Variants in ABCG2 observed in about 807,000 individuals in gnomAD.
ABCG2 encodes the protein broad substrate specificity ATP-binding cassette transporter ABCG2.
A neutral mutation model predicts 73.5 loss-of-function variants in ABCG2; 80 were observed. The observed-to-expected ratio is 1.09, with a 90% CI of 0.91 to 1.31. The LOEUF is 1.31. ABCG2 is among the 50% of genes most tolerant of loss of function. ABCG2 has a pLI of 0.00. For synonymous variants in ABCG2, 269 were observed against 282.4 expected (o/e 0.95, Z 0.48); for missense variants, 796 against 786.2 (o/e 1.01, Z -0.15).
In ABCG2 at chr4:88,167,720, C is replaced by G. The variant is rs1236617138; in HGVS notation, c.-19-27706G>C. On this transcript the variant is annotated intron_variant, in intron 1 of 15. Coordinates refer to the ABCG2 transcript ENST00000515655. Reference sequence around the variant, plus strand: ...GCTTATGTGATTAAATCAGGCCCACCTTTACAATCTTGATATGTTAGAGTC... The same window carrying G: ...GCTTATGTGATTAAATCAGGCCCACGTTTACAATCTTGATATGTTAGAGTC... Among the ~76,000 whole-genome samples, 6 of 152,228 alleles carry G rather than the reference C, an allele frequency of 3.9e-5. No individual in the cohort carries two copies. The East Asian group carries it at 7.7e-4, about 20-fold the overall frequency.
chr4:88,092,542 G>C (rs1721707372), intron 15 of ABCG2, among the ~76,000 whole-genome samples, 161 bp from the exon 16 acceptor site: 1 of 152,112 alleles, frequency 6.6e-6, no homozygotes, highest in African/African-American at 2.4e-5. Flanking sequence ...TTACAATTTT[G>C]CTAGACACTA....
At chr4:88,168,861 A>G (rs567331460) in intron 1 of ABCG2, among the ~76,000 whole-genome samples, 1 of 133,782 alleles carries the variant, frequency 7.5e-6, no homozygotes, top group South Asian at 2.3e-4. Context: ...CCTGTCACTC[A>G]GATTAAAAAA....
chr4:88,225,285 GGGTATGGCT>G (rs1560467741), intron 1 of ABCG2, among the ~76,000 whole-genome samples: 1 of 152,168 alleles, frequency 6.6e-6, no homozygotes, highest in Non-Finnish European at 1.5e-5. Flanking sequence ...ATAAACAAGA[GGGTATGGCT>G]GTGTTCCAAT....
At position 88,230,307 on chromosome 4, in the gene ABCG2, ATTTTTTT is replaced by A. The variant is rs70959615; in HGVS notation, c.-20+680_-20+686del. 2.7e-4 allele frequency among the ~76,000 whole-genome samples: 14 copies of A among 51,450 alleles called. 2 individuals carry two copies. The highest frequency in any genetic ancestry group is 0.028 in the East Asian group (2 of 72). The allele number at this position is 51,450 out of a possible 152,430, so 33.8% of individuals were successfully genotyped here. ...CCGCACCTGTTATATATATATATAT[ATTTTTTT>A]TTTTGGCCACATATATATATATATA... On this transcript the variant is annotated intron_variant, in intron 1 of 15. Transcript: ENST00000515655.
At chr4:88,161,147 C>T (rs1727283344), upstream of ABCG2, among the ~76,000 whole-genome samples, 2 of 147,464 alleles carry the variant, frequency 1.4e-5, no homozygotes, top group South Asian at 4.4e-4. Context: ...GCCCCTGTCT[C>T]TACAAACAAT....
At chr4:88,152,184 G>C (rs1726541405) in intron 1 of ABCG2, among the ~76,000 whole-genome samples, 1 of 152,052 alleles carries the variant, frequency 6.6e-6, no homozygotes, top group African/African-American at 2.4e-5. Context: ...GCACTGGCAG[G>C]GTTTCATTTG....
intron 1 of ABCG2, among the ~76,000 whole-genome samples, chr4:88,219,045 G>A (rs1009204941): frequency 1.3e-5 from 2 of 152,224 alleles, no homozygotes; most frequent in African/African-American, 4.8e-5. Flanking sequence ...GGGAGTTGAT[G>A]TGAAAAGGGA....
chr4:88,154,288 C>T (rs1002004571), intron 1 of ABCG2, among the ~76,000 whole-genome samples: 3 of 152,152 alleles, frequency 2.0e-5, no homozygotes, highest in South Asian at 2.1e-4. Flanking sequence ...GGAAGTAAAG[C>T]GGCTTTGAGA....
At position 88,118,215 on chromosome 4, in the gene ABCG2, A is replaced by C. The variant is rs1178903888; in HGVS notation, c.735T>G (p.Pro245=). Residue 245 remains proline (P), a synonymous_variant, in exon 7 of 16, where the codon CCT becomes CCG. Transcript: ENST00000237612. ...CAAACAACTTGAAGATGGAATATCG[A>C]GGCTGATGAATGGAGAAGATGATTG... ...GRTIIFSIHQ[P]RYSIFKLFDS... is the part of the protein sequence containing the mutation. The C allele has an allele frequency of 4.3e-6, 7 of 1,614,094 alleles. No homozygotes were observed. The highest frequency in any genetic ancestry group is 5.9e-6 in the Non-Finnish European group (7 of 1,180,018).
In ABCG2 at chr4:88,149,872, C is replaced by T. The variant is rs188659724; in HGVS notation, c.-20+8514G>A. Among the ~76,000 whole-genome samples, 278 of 152,084 alleles carry T rather than the reference C, an allele frequency of 1.8e-3. 2 individuals carry two copies. The highest frequency in any genetic ancestry group is 6.4e-3 in the African/African-American group (267 of 41,488). On this transcript the variant is annotated intron_variant, in intron 1 of 15. Transcript: ENST00000237612. ...GTCTCAAAAAATAATAATAATAATT[C>T]GATATTTACTAGACTTCTATTATCT...
chr4:88,189,057 A>C (rs1406223981), intron 1 of ABCG2, among the ~76,000 whole-genome samples: 1 of 152,136 alleles, frequency 6.6e-6, no homozygotes, highest in African/African-American at 2.4e-5. Context: ...CCAGTTCATG[A>C]ACACAGGATG....
intron 14 of ABCG2, 66 bp from the exon 15 acceptor site, chr4:88,094,725 A>T (rs1721873036): frequency 5.1e-6 from 6 of 1,187,038 alleles, no homozygotes; most frequent in Non-Finnish European, 3.8e-6. Context: ...CCAAAGAGTT[A>T]TCACAATCAT....
intron 9 of ABCG2, 149 bp from the exon 10 acceptor site, chr4:88,107,415 A>T: frequency 3.5e-6 from 2 of 572,282 alleles, no homozygotes; most frequent in Non-Finnish European, 6.0e-6. Context: ...CGTCCCTGGG[A>T]GAAAATAAAA....
upstream of ABCG2, chr4:88,159,347 T>A (rs1727182719): frequency 2.6e-6 from 1 of 382,598 alleles, no homozygotes; most frequent in Admixed American, 3.0e-5. Context: ...AATGGGATTC[T>A]GAGAAAGTGG....
In ABCG2 at chr4:88,099,359, C is replaced by T. The variant is rs780310265; in HGVS notation, c.1457G>A (p.Ser486Asn). 3 of 1,611,432 alleles carry T rather than the reference C, an allele frequency of 1.9e-6. No homozygotes were observed. The East Asian group carries it at 6.7e-5, about 36-fold the overall frequency. ...SDLLPMRMLP[S>N]IIFTCIVYFM... is the part of the protein sequence containing the mutation. ...GTACACTATACAGGTAAATATAATA[C>T]TTGGTAACATCCTCATGGGTAATAA... Residue 486 changes from serine to asparagine, a missense_variant, in exon 12 of 16, where the codon AGT (serine) becomes AAT (asparagine). By Grantham distance (46) the Ser-to-Asn change is conservative. Transcript: ENST00000237612.
chr4:88,150,637 TAACATTAAC>T (rs1726401921), intron 1 of ABCG2, among the ~76,000 whole-genome samples: 1 of 152,156 alleles, frequency 6.6e-6, no homozygotes, highest in South Asian at 2.1e-4. Flanking sequence ...TAAAACACAC[TAACATTAAC>T]AACAGCTGAT....
intron 1 of ABCG2, among the ~76,000 whole-genome samples, chr4:88,187,893 G>GT (rs1175328456): frequency 6.6e-6 from 1 of 152,088 alleles, no homozygotes; most frequent in Non-Finnish European, 1.5e-5. Flanking sequence ...AATATCTTTT[G>GT]TATCTTATAG....
intron 1 of ABCG2, among the ~76,000 whole-genome samples, chr4:88,208,464 T>A (rs2110120658): frequency 6.6e-6 from 1 of 152,236 alleles, no homozygotes; most frequent in South Asian, 2.1e-4. Flanking sequence ...ACTAGAGACT[T>A]AGGGCCCAAG....
chr4:88,211,828 A>G (rs376654380), intron 1 of ABCG2, among the ~76,000 whole-genome samples: 10 of 152,244 alleles, frequency 6.6e-5, no homozygotes, highest in African/African-American at 2.2e-4. Context: ...GGGATAAGCA[A>G]TAAATAGAAC....
Sources: gnomAD v4.1 joint callset for allele counts (sites outside exome capture counted in the v4.1 genomes callset) on GRCh38, gnomAD v4.1.1 for gene constraint, MANE v1.5 for transcripts, NCBI Gene and HGNC (gene_info 2026-07-23, HGNC 2026-07-21) for gene names.